The following SIPA1L1 variants were observed in gnomAD, a reference collection of about 807,000 sequenced individuals.
SIPA1L1 encodes the protein signal induced proliferation associated 1 like 1.
In SIPA1L1, 26 loss-of-function variants were observed where a neutral mutation model predicts 162.7. The ratio of observed to expected loss-of-function variants is 0.16; its 90% CI spans 0.12 to 0.22. SIPA1L1 has a LOEUF of 0.22. Ranked by LOEUF, SIPA1L1 falls within the 10% of genes least tolerant of loss-of-function variation. The pLI is 1.00. For missense variants in SIPA1L1, 1,874 were observed against 2,241.0 expected (o/e 0.84, Z 3.31); for synonymous variants, 829 against 837.4 (o/e 0.99, Z 0.17).
At chr14:71,441,254 T>C (rs1363392049) in intron 2 of SIPA1L1, among the ~76,000 whole-genome samples, 1 of 152,220 alleles carries the variant, frequency 6.6e-6, no homozygotes, top group Non-Finnish European at 1.5e-5. Context: ...TTTATGGATC[T>C]GTTTCTGATC....
At chr14:71,412,527 T>G (rs2042479390) in intron 2 of SIPA1L1, among the ~76,000 whole-genome samples, 2 of 152,114 alleles carry the variant, frequency 1.3e-5, no homozygotes, top group South Asian at 2.1e-4. Flanking sequence ...CCGTATTACA[T>G]GAGATCATAG....
intron 2 of SIPA1L1, among the ~76,000 whole-genome samples, chr14:71,450,386 T>C (rs1298925344): frequency 6.6e-6 from 1 of 152,204 alleles, no homozygotes; most frequent in Non-Finnish European, 1.5e-5. Context: ...TTAAAATCTT[T>C]GTAATAAACC....
rs891899258 is a variant in SIPA1L1 at position 71,371,433 on chromosome 14, G to C, written c.-465+50252G>C. 7.2e-5 allele frequency among the ~76,000 whole-genome samples: 11 copies of C among 152,084 alleles called. 1 individual carries two copies. The highest frequency in any genetic ancestry group is 2.0e-4 in the Admixed American group (3 of 15,272). On this transcript the variant is annotated intron_variant, in intron 2 of 23. Transcript: ENST00000381232. ...GACATAGTCTTGCTTTGTCACCTAG[G>C]CTGGAGTGCAGTGGTGTGATCTCAG...
intron 9 of SIPA1L1, among the ~76,000 whole-genome samples, chr14:71,658,684 T>G (rs2043267446): frequency 6.6e-6 from 1 of 152,232 alleles, no homozygotes; most frequent in Non-Finnish European, 1.5e-5. Context: ...CCACGGGGAT[T>G]GAGGTTTTCA....
chr14:71,355,185 G>C (rs565965678), intron 2 of SIPA1L1, among the ~76,000 whole-genome samples: 130 of 152,194 alleles, frequency 8.5e-4, no homozygotes, highest in Non-Finnish European at 1.4e-3. Flanking sequence ...GTAAGATTCT[G>C]TTGCCACTTT....
chr14:71,582,522 G>A (rs1452101880), intron 4 of SIPA1L1, among the ~76,000 whole-genome samples: 2 of 152,206 alleles, frequency 1.3e-5, no homozygotes, highest in South Asian at 2.1e-4. Context: ...TTTTAGCTAC[G>A]AGGGTGAGTG....
chr14:71,433,184 C>G (rs1011489010), intron 2 of SIPA1L1, among the ~76,000 whole-genome samples: 10 of 152,158 alleles, frequency 6.6e-5, no homozygotes, highest in African/African-American at 2.4e-4. Flanking sequence ...ACTCTTAATG[C>G]TTTGGGAGAA....
chr14:71,360,642 G>T (rs1004073838), intron 2 of SIPA1L1, among the ~76,000 whole-genome samples: 2 of 152,296 alleles, frequency 1.3e-5, no homozygotes, highest in Non-Finnish European at 2.9e-5. Context: ...TTTTATGTGT[G>T]TAAGTATGTG....
chr14:71,672,821 A>G (rs1159752834), intron 12 of SIPA1L1, among the ~76,000 whole-genome samples, 199 bp downstream of exon 12: 1 of 152,176 alleles, frequency 6.6e-6, no homozygotes, highest in Non-Finnish European at 1.5e-5. Context: ...GGAAAGAGTG[A>G]CTAAATGGGA....
chr14:71,622,697 A>G (rs1250347455), intron 6 of SIPA1L1, among the ~76,000 whole-genome samples: 1 of 152,216 alleles, frequency 6.6e-6, no homozygotes, highest in African/African-American at 2.4e-5. Context: ...AATGAAAGAA[A>G]AAAGGTACTC....
At chr14:71,352,593 C>T (rs901657903) in intron 2 of SIPA1L1, among the ~76,000 whole-genome samples, 3 of 152,104 alleles carry the variant, frequency 2.0e-5, no homozygotes, top group Admixed American at 2.0e-4. Context: ...ATTTTTGTTG[C>T]TGTAGAGTAT....
At chr14:71,510,693 G>A (rs548247399) in intron 2 of SIPA1L1, among the ~76,000 whole-genome samples, 2 of 152,260 alleles carry the variant, frequency 1.3e-5, no homozygotes, top group African/African-American at 4.8e-5. Context: ...TGTGAATTGT[G>A]TATTTAGCTC....
intron 2 of SIPA1L1, among the ~76,000 whole-genome samples, chr14:71,471,731 A>G (rs1202912380): frequency 1.3e-5 from 2 of 152,246 alleles, no homozygotes; most frequent in Non-Finnish European, 2.9e-5. Context: ...TCTGGTGGAC[A>G]GAACAGGTTG....
intron 4 of SIPA1L1, among the ~76,000 whole-genome samples, chr14:71,578,820 A>C (rs2033499046): frequency 6.6e-6 from 1 of 152,206 alleles, no homozygotes; most frequent in African/African-American, 2.4e-5. Context: ...TCTTGGGAGC[A>C]CTTTTACCAT....
intron 4 of SIPA1L1, among the ~76,000 whole-genome samples, chr14:71,530,130 C>T (rs754438825): frequency 2.0e-5 from 3 of 152,198 alleles, no homozygotes; most frequent in Non-Finnish European, 4.4e-5. Context: ...AAGTGATTCA[C>T]TTAGTCTCCA....
chr14:71,613,991 C>G (rs1018392504), intron 5 of SIPA1L1, among the ~76,000 whole-genome samples: 15 of 152,076 alleles, frequency 9.9e-5, no homozygotes, highest in African/African-American at 3.6e-4. Context: ...CACCTGAGGT[C>G]AGGAGTTTGA....
intron 2 of SIPA1L1, among the ~76,000 whole-genome samples, chr14:71,464,769 C>T (rs1442050036): frequency 3.3e-5 from 5 of 152,146 alleles, no homozygotes; most frequent in African/African-American, 7.2e-5. Flanking sequence ...ATATCCATTC[C>T]CATGGCTGTT....
intron 17 of SIPA1L1, among the ~76,000 whole-genome samples, chr14:71,722,713 T>TA (rs1444260592): frequency 6.6e-6 from 1 of 152,202 alleles, no homozygotes; most frequent in African/African-American, 2.4e-5. Flanking sequence ...TTTGGACTCT[T>TA]TAGTCATGCA....
At chr14:71,368,325 C>A (rs2038561745) in intron 2 of SIPA1L1, among the ~76,000 whole-genome samples, 1 of 136,810 alleles carries the variant, frequency 7.3e-6, no homozygotes, top group Non-Finnish European at 1.6e-5. Flanking sequence ...CCCACCCCAC[C>A]ACAGTCCCCA....
Sources: gnomAD v4.1 joint callset for allele counts (sites outside exome capture counted in the v4.1 genomes callset) on GRCh38, gnomAD v4.1.1 for gene constraint, MANE v1.5 for transcripts, NCBI Gene and HGNC (gene_info 2026-07-23, HGNC 2026-07-21) for gene names.